MAP3K4: variants seen among roughly 807,000 people sequenced by gnomAD.
MAP3K4 encodes mitogen-activated protein kinase kinase kinase 4.
MAP3K4 carries 67 observed loss-of-function variants against 185.6 expected under a neutral mutation model. That is an observed-to-expected ratio of 0.36 (90% CI 0.30 to 0.44). MAP3K4 has a LOEUF of 0.44. Among genes scored for constraint, MAP3K4 ranks in the 20% least tolerant of loss-of-function variants. The pLI is 1.00. For synonymous variants in MAP3K4, 702 were observed against 710.4 expected (o/e 0.99, Z 0.19); for missense variants, 1,551 against 1,995.1 (o/e 0.78, Z 4.24).
chr6:161,049,892 A>G lies in MAP3K4; in HGVS notation c.1620A>G (p.Arg540=). 6.2e-7 allele frequency: 1 copy of G among 1,614,158 alleles called. No homozygotes were observed. Among genetic ancestry groups the G allele is most frequent in the East Asian group, 2.2e-5 (1 of 44,884 alleles). ...VDKALKQMGL[R]KLILRLHKLM... ...AAGCACTGAAGCAGATGGGGTTAAG[A>G]AAGTTAATTTTAAGACTTCACAAGC... Residue 540 remains arginine, a synonymous_variant, in exon 3 of 27, where the codon AGA becomes AGG. Coordinates refer to ENST00000392142, the MANE Select transcript of MAP3K4 (RefSeq NM_005922.4). The surrounding 1 kb of genome is among the most constrained non-coding windows in gnomAD (Gnocchi z 8.4).
In MAP3K4 at chr6:161,063,667, G is replaced by A. The variant is rs991856636; in HGVS notation, c.1708-6941G>A. On this transcript the variant is annotated intron_variant, in intron 3 of 26. Transcript: ENST00000392142. The surrounding 1 kb of genome is among the most constrained non-coding windows in gnomAD (Gnocchi z 5.4). ...ATGTGGAGCCGAGAATTCCTGGAAG[G>A]GAATTTGGGGTACTAGTTTTAAGAT... Among the ~76,000 whole-genome samples the A allele has an allele frequency of 6.6e-6, 1 of 152,070 alleles. No individual in the cohort carries two copies. The highest frequency in any genetic ancestry group is 2.1e-4 in the South Asian group (1 of 4,814).
chr6:160,991,976 C>T lies in MAP3K4; in HGVS notation c.45C>T (p.Ala15=). The change falls in exon 1 of 27, where the codon GCC becomes GCT. Residue 15 remains alanine, a synonymous_variant. Coordinates refer to ENST00000392142, the MANE Select transcript of MAP3K4 (RefSeq NM_005922.4). This position sits in a 1 kb window ranked among gnomAD's most constrained non-coding sequence, Gnocchi z 5.7. The part of the protein sequence containing the change: ...AAALVPPPAF[A]VTPAAAMEEP... ...CGCTGGTCCCTCCTCCCGCCTTTGC[C>T]GTCACGCCTGCCGCCGCCATGGAGG... 6.5e-7 allele frequency: 1 copy of T among 1,547,214 alleles called. No individual in the cohort carries two copies. The highest frequency in any genetic ancestry group is 8.7e-7 in the Non-Finnish European group (1 of 1,153,786).
In MAP3K4 at chr6:161,082,734, C is replaced by G. The variant is rs1359635570; in HGVS notation, c.2255+1696C>G. ...TGAGGGTATATCCAGAATCTGACCTCTGCCTCTCAAGCACTCCACACTTCC... is the reference window on the plus strand; with the variant it reads ...TGAGGGTATATCCAGAATCTGACCTGTGCCTCTCAAGCACTCCACACTTCC... On this transcript the variant is annotated intron_variant, in intron 6 of 26. Transcript: ENST00000392142. This position sits in a 1 kb window ranked among gnomAD's most constrained non-coding sequence, Gnocchi z 4.2. Among the ~76,000 whole-genome samples, 1 of 152,162 alleles carries G rather than the reference C, an allele frequency of 6.6e-6. No homozygotes were observed. The highest frequency in any genetic ancestry group is 1.5e-5 in the Non-Finnish European group (1 of 68,036).
intron 1 of MAP3K4, among the ~76,000 whole-genome samples, chr6:161,026,184 G>A (rs1782641720): frequency 6.6e-6 from 1 of 151,994 alleles, no homozygotes; most frequent in African/African-American, 2.4e-5. Context: ...AGGCTGGAGT[G>A]CAGTGGCGCG....
chr6:160,994,638 T>G (rs1343744506), intron 1 of MAP3K4, among the ~76,000 whole-genome samples: 1 of 152,214 alleles, frequency 6.6e-6, no homozygotes, highest in Non-Finnish European at 1.5e-5. Context: ...GTTGTTTTCC[T>G]TTGGGTAGAT....
At chr6:161,095,968 C>T (rs1203057798) in intron 15 of MAP3K4, among the ~76,000 whole-genome samples, 2 of 151,936 alleles carry the variant, frequency 1.3e-5, no homozygotes, top group Non-Finnish European at 2.9e-5. Context: ...TGACTAGTTC[C>T]CAGTATCTTT....
chr6:161,085,120 T>C (rs570291445), intron 7 of MAP3K4, among the ~76,000 whole-genome samples: 2 of 149,472 alleles, frequency 1.3e-5, no homozygotes, highest in East Asian at 4.0e-4. Flanking sequence ...CACTCCAGCC[T>C]GGGTGACAGA....
chr6:161,069,540 C>T (rs1284849951), intron 3 of MAP3K4, among the ~76,000 whole-genome samples: 1 of 152,104 alleles, frequency 6.6e-6, no homozygotes, highest in African/African-American at 2.4e-5. Flanking sequence ...TCTTCCATAG[C>T]AGCTCAAGTT....
chr6:161,027,654 T>TA (rs2115140671), intron 1 of MAP3K4, among the ~76,000 whole-genome samples: 1 of 152,328 alleles, frequency 6.6e-6, no homozygotes, highest in East Asian at 1.9e-4. Flanking sequence ...AAGACAAGGC[T>TA]GTAGCCCTCA....
intron 1 of MAP3K4, among the ~76,000 whole-genome samples, chr6:161,019,481 C>G (rs763136353): frequency 6.6e-6 from 1 of 152,168 alleles, no homozygotes; most frequent in East Asian, 1.9e-4. Flanking sequence ...GAGCTCAGCT[C>G]ACTGCAACCT....
At position 161,088,995 on chromosome 6, in the gene MAP3K4, T is replaced by TAC. The variant is rs1398842172; in HGVS notation, c.2824-317_2824-316dup. Among the ~76,000 whole-genome samples the TAC allele has an allele frequency of 2.0e-5, 3 of 151,876 alleles. No individual in the cohort carries two copies. Among genetic ancestry groups the TAC allele is most frequent in the Admixed American group, 6.6e-5 (1 of 15,254 alleles). On this transcript the variant is annotated intron_variant, in intron 10 of 26. Transcript: ENST00000392142. The surrounding 1 kb of genome is among the most constrained non-coding windows in gnomAD (Gnocchi z 4.5). ...TTTCCTTCTTCATATGCTGCTCCAATACACACACACATGCACACATACACA... is the reference window on the plus strand; with the variant it reads ...TTTCCTTCTTCATATGCTGCTCCAATACACACACACACATGCACACATACACA...
At chr6:161,050,329 A>C (rs1783945372) in intron 3 of MAP3K4, among the ~76,000 whole-genome samples, 1 of 152,158 alleles carries the variant, frequency 6.6e-6, no homozygotes, top group Admixed American at 6.5e-5. Flanking sequence ...TCCACGTCAC[A>C]CTCAGGTGTT....
chr6:160,991,780 C>A lies in MAP3K4; in HGVS notation c.-152C>A. The A allele has an allele frequency of 1.2e-6, 1 of 846,696 alleles. No homozygotes were observed. Among genetic ancestry groups the A allele is most frequent in the Non-Finnish European group, 1.6e-6 (1 of 608,174 alleles). The allele number at this position is 846,696 out of a possible 1,614,324, so 52.4% of individuals were successfully genotyped here. A position where few individuals can be genotyped will look rare whatever the true frequency, so the allele number is the denominator to read the frequency against. ...ACCGTAGCCCCGGCGCTCGGCCGGT[C>A]GCCGTTTCCAAGATGGCCGCGGCGC... On this transcript the variant is annotated 5_prime_UTR_variant, in exon 1 of 27. Coordinates refer to ENST00000392142, the MANE Select transcript of MAP3K4 (RefSeq NM_005922.4). The surrounding 1 kb of genome is among the most constrained non-coding windows in gnomAD (Gnocchi z 5.7).
In MAP3K4 at chr6:161,063,843, A is replaced by G. The variant is rs1005129744; in HGVS notation, c.1708-6765A>G. ...ATAGAGCACTCATCATGACTTGGGA[A>G]TTGCCTCTTTACGCCCTTCAGACAC... On this transcript the variant is annotated intron_variant, in intron 3 of 26. Transcript: ENST00000392142. The surrounding 1 kb of genome is among the most constrained non-coding windows in gnomAD (Gnocchi z 5.4). 2.6e-5 allele frequency among the ~76,000 whole-genome samples: 4 copies of G among 152,112 alleles called. No homozygotes were observed. The highest frequency in any genetic ancestry group is 9.7e-5 in the African/African-American group (4 of 41,408).
intron 2 of MAP3K4, among the ~76,000 whole-genome samples, chr6:161,042,506 G>A (rs1312426479): frequency 6.6e-6 from 1 of 152,124 alleles, no homozygotes; most frequent in Admixed American, 6.6e-5. Context: ...TAACACCACA[G>A]GAGCTAGCTG....
At chr6:161,038,971 G>T (rs988109090) in intron 2 of MAP3K4, among the ~76,000 whole-genome samples, 4 of 152,150 alleles carry the variant, frequency 2.6e-5, no homozygotes, top group African/African-American at 9.7e-5. Context: ...TGGGTAATTG[G>T]ACTTCTTACA....
chr6:161,113,845 G>T (rs1412873125), intron 25 of MAP3K4, among the ~76,000 whole-genome samples: 1 of 126,616 alleles, frequency 7.9e-6, no homozygotes, highest in East Asian at 2.5e-4. Flanking sequence ...TCGCCAGGCA[G>T]GAGTGCAAGT....
intron 1 of MAP3K4, among the ~76,000 whole-genome samples, chr6:160,995,315 G>GACTAGAATAAAACTAGAATAAAAA (rs1780938785): frequency 6.6e-6 from 1 of 152,220 alleles, no homozygotes; most frequent in Admixed American, 6.5e-5. Context: ...TTTTGCCACA[G>GACTAGAATAAAACTAGAATAAAAA]ACTAGAATAA....
Position 161,101,937 on chromosome 6 carries a change from T to A in MAP3K4, c.3720T>A (p.Ala1240=). The A allele has an allele frequency of 6.2e-7, 1 of 1,614,196 alleles. No individual in the cohort carries two copies. The highest frequency in any genetic ancestry group is 8.5e-7 in the Non-Finnish European group (1 of 1,180,022). ...ATGATCGATTGGCTTCCATAGCTGC[T>A]GAATTGCAGTTTAGGTCCCTGAGTC... The part of the protein sequence containing the change: ...PENDRLASIA[A]ELQFRSLSRH... Residue 1240 remains alanine, a synonymous_variant, in exon 18 of 27, where the codon GCT becomes GCA. Transcript: ENST00000392142. The surrounding 1 kb of genome is among the most constrained non-coding windows in gnomAD (Gnocchi z 5.1).
Sources: allele counts gnomAD v4.1 joint callset (sites outside exome capture counted in the v4.1 genomes callset), GRCh38; gene constraint gnomAD v4.1.1; non-coding constraint Gnocchi (gnomAD v3.1); transcripts MANE v1.5; gene names NCBI Gene and HGNC (gene_info 2026-07-23, HGNC 2026-07-21).